The following POLA1 variants were observed in gnomAD, a reference collection of about 807,000 sequenced individuals.
POLA1 encodes the protein DNA polymerase alpha 1, catalytic subunit.
In POLA1, 15 loss-of-function variants were observed where a neutral mutation model predicts 124.0. That is an observed-to-expected ratio of 0.12 (90% CI 0.08 to 0.19). The LOEUF is 0.19. Among genes scored for constraint, POLA1 ranks in the 10% least tolerant of loss-of-function variants. The pLI is 1.00. For synonymous variants in POLA1, 408 were observed against 389.4 expected, an observed-to-expected ratio of 1.05 and a Z score of -0.56; for missense variants, 886 against 1,103.4, an observed-to-expected ratio of 0.80 and a Z score of 2.79.
At chrX:24,754,970 A>C (rs5986706) in intron 26 of POLA1, among the ~76,000 whole-genome samples, 1 of 112,419 alleles carries the variant, frequency 8.9e-6, no homozygotes, top group Non-Finnish European at 1.9e-5. Context: ...TAGGTTTCCA[A>C]GTTTTCATTT....
At chrX:24,889,759 A>G (rs1300258459) in intron 35 of POLA1, among the ~76,000 whole-genome samples, 1 of 112,092 alleles carries the variant, frequency 8.9e-6, no homozygotes, top group East Asian at 2.8e-4. Flanking sequence ...TCACAGGCGC[A>G]ATCATGGCTC....
intron 34 of POLA1, among the ~76,000 whole-genome samples, chrX:24,853,353 C>T (rs1432013587): frequency 1.8e-5 from 2 of 111,767 alleles, no homozygotes; most frequent in African/African-American, 6.5e-5. Context: ...AGGTTATTTA[C>T]AATGTGGAAT....
At chrX:24,949,857 C>T (rs1344586795) in intron 36 of POLA1, among the ~76,000 whole-genome samples, 1 of 108,982 alleles carries the variant, frequency 9.2e-6, no homozygotes, top group Non-Finnish European at 1.9e-5. Flanking sequence ...GCCTCAGCCT[C>T]CCTAGTAGCT....
chrX:24,939,318 G>A (rs1487325763), intron 36 of POLA1, among the ~76,000 whole-genome samples: 1 of 112,409 alleles, frequency 8.9e-6, no homozygotes, highest in Non-Finnish European at 1.9e-5. Flanking sequence ...TTCGCAAGCA[G>A]TTAAGCCATA....
At chrX:24,896,485 G>GTT (rs11374392) in intron 35 of POLA1, among the ~76,000 whole-genome samples, 24 of 110,826 alleles carry the variant, frequency 2.2e-4, no homozygotes, top group Admixed American at 1.0e-3. Flanking sequence ...GTTTTGTTTT[G>GTT]TTTTTTTGCG....
chrX:24,738,057 C>T (rs1159883633), intron 19 of POLA1, among the ~76,000 whole-genome samples: 3 of 102,342 alleles, frequency 2.9e-5, no homozygotes, highest in African/African-American at 1.2e-4. Context: ...ACTAAAAATA[C>T]AAAAAATTAG....
At chrX:24,987,866 G>A (rs1002918847) in intron 36 of POLA1, among the ~76,000 whole-genome samples, 1 of 111,632 alleles carries the variant, frequency 9.0e-6, no homozygotes, top group African/African-American at 3.3e-5. Context: ...AGAATGTGAT[G>A]GTGACCTGGA....
intron 17 of POLA1, among the ~76,000 whole-genome samples, chrX:24,734,742 A>C (rs987247576): frequency 1.8e-5 from 2 of 110,766 alleles, no homozygotes; most frequent in African/African-American, 6.6e-5. Context: ...CAGCCTCCTG[A>C]GTATCTGGGA....
intron 36 of POLA1, among the ~76,000 whole-genome samples, chrX:24,963,784 A>G (rs972432785): frequency 8.9e-6 from 1 of 111,765 alleles, no homozygotes; most frequent in Non-Finnish European, 1.9e-5. Context: ...AAAAGGCAAC[A>G]TATACTATGT....
intron 26 of POLA1, among the ~76,000 whole-genome samples, chrX:24,751,080 T>G (rs919573136): frequency 8.9e-6 from 1 of 112,237 alleles, no homozygotes; most frequent in Admixed American, 9.5e-5. Flanking sequence ...TGGGTGATAA[T>G]ACATGGGTTG....
intron 26 of POLA1, among the ~76,000 whole-genome samples, chrX:24,803,921 C>A (rs1370237822): frequency 1.5e-5 from 1 of 66,406 alleles, no homozygotes; most frequent in Non-Finnish European, 2.5e-5. Context: ...TGATTTCAGA[C>A]CCTAGACTTA....
chrX:24,871,716 C>G (rs1433872010), intron 34 of POLA1, among the ~76,000 whole-genome samples: 4 of 111,161 alleles, frequency 3.6e-5, no homozygotes, highest in African/African-American at 1.3e-4. Context: ...AAATTCAGCT[C>G]TGCCCCATTT....
intron 34 of POLA1, among the ~76,000 whole-genome samples, chrX:24,884,056 G>A (rs1236306669): frequency 9.0e-6 from 1 of 111,529 alleles, no homozygotes; most frequent in Non-Finnish European, 1.9e-5. Flanking sequence ...CTTTGTTTTT[G>A]TCATTTTTAA....
At chrX:24,943,749 A>G in intron 36 of POLA1, among the ~76,000 whole-genome samples, 1 of 112,836 alleles carries the variant, frequency 8.9e-6, no homozygotes, top group East Asian at 2.8e-4. Flanking sequence ...ACAATTTTGA[A>G]TCATCTTTCT....
At chrX:24,916,493 G>T (rs1319438844) in intron 35 of POLA1, among the ~76,000 whole-genome samples, 1 of 109,902 alleles carries the variant, frequency 9.1e-6, no homozygotes, top group African/African-American at 3.3e-5. Flanking sequence ...TGGCCAGGCT[G>T]GTCTCGAACT....
chrX:24,813,100 A>G (rs1054270354), intron 29 of POLA1, among the ~76,000 whole-genome samples: 6 of 111,660 alleles, frequency 5.4e-5, no homozygotes, highest in African/African-American at 9.8e-5. Context: ...GATACGTCTC[A>G]TGAGTTTTTA....
At chrX:24,885,917 T>G (rs904478315) in intron 34 of POLA1, among the ~76,000 whole-genome samples, 4 of 112,453 alleles carry the variant, frequency 3.6e-5, no homozygotes, top group African/African-American at 1.3e-4. Context: ...ATTATTAAGC[T>G]GTACATGTCC....
At chrX:24,946,243 G>C (rs1285189718) in intron 36 of POLA1, among the ~76,000 whole-genome samples, 1 of 111,162 alleles carries the variant, frequency 9.0e-6, no homozygotes, top group Non-Finnish European at 1.9e-5. Context: ...ACTGGATCCT[G>C]GGTAGAGCAG....
At chrX:24,897,136 T>A (rs987930974) in intron 35 of POLA1, among the ~76,000 whole-genome samples, 29 of 111,576 alleles carry the variant, frequency 2.6e-4, no homozygotes, top group African/African-American at 9.4e-4. Flanking sequence ...ATTGGTGAGG[T>A]GTAAATATGG....
Sources: allele counts gnomAD v4.1 joint callset (sites outside exome capture counted in the v4.1 genomes callset), GRCh38; gene constraint gnomAD v4.1.1; transcripts MANE v1.5; gene names NCBI Gene and HGNC (gene_info 2026-07-23, HGNC 2026-07-21).